AK9: variants seen among roughly 807,000 people sequenced by gnomAD.
The protein encoded by AK9 is adenylate kinase domain containing 1.
A neutral mutation model predicts 239.6 loss-of-function variants in AK9; 191 were observed. That is an observed-to-expected ratio of 0.80 (90% confidence interval 0.71 to 0.90). The LOEUF (loss-of-function observed/expected upper bound fraction) is 0.90, where lower values mean the gene tolerates loss of function less well. AK9 is among the 40% of genes least tolerant of loss of function. The probability of loss-of-function intolerance (pLI) is 0.00; values close to 1 mark genes in which losing one functional copy is unlikely to be tolerated. For missense variants in AK9, 1,995 were observed against 2,214.7 expected (o/e 0.90, Z 1.99); for synonymous variants, 689 against 721.0 (o/e 0.96, Z 0.71).
intron 24 of AK9, among the ~76,000 whole-genome samples, chr6:109,559,241 C>T (rs1458327849): frequency 6.6e-6 from 1 of 151,386 alleles, no homozygotes; most frequent in East Asian, 2.0e-4. Context: ...GATCTCGGCT[C>T]ACTGCAGGCT....
intron 24 of AK9, among the ~76,000 whole-genome samples, chr6:109,557,934 A>G (rs1182017593): frequency 5.3e-5 from 8 of 152,216 alleles, no homozygotes; most frequent in Admixed American, 2.0e-4. Context: ...AGGCATTCTA[A>G]TCACTATCTA....
intron 1 of AK9, among the ~76,000 whole-genome samples, chr6:109,687,933 A>T (rs1048821507): frequency 2.0e-5 from 3 of 152,228 alleles, no homozygotes; most frequent in Admixed American, 1.3e-4. Flanking sequence ...AACCAGGTGG[A>T]CAGGATAATT....
At chr6:109,614,100 T>C (rs956398656) in intron 15 of AK9, 83 bp downstream of exon 15, 3 of 1,349,364 alleles carry the variant, frequency 2.2e-6, no homozygotes, top group African/African-American at 2.9e-5. Flanking sequence ...GGGGTAATTT[T>C]AAGCATAAAT....
chr6:109,572,621 T>C (rs1787567642), intron 21 of AK9, among the ~76,000 whole-genome samples: 2 of 152,226 alleles, frequency 1.3e-5, no homozygotes, highest in African/African-American at 4.8e-5. Context: ...CATGCACATA[T>C]GAGCTGTGAA....
chr6:109,569,316 C>G lies in AK9; in HGVS notation c.2344+4126G>C, dbSNP rs1787052678. ...AAAGACTTAAATGTTAGACCTAAAA[C>G]CATAAAAACCCTAGAAACAAACCTA... On this transcript the variant is annotated intron_variant, in intron 21 of 40. Coordinates refer to ENST00000424296, the MANE Select transcript of AK9 (RefSeq NM_001145128.3). Among the ~76,000 whole-genome samples the G allele has an allele frequency of 2.0e-5, 3 of 152,240 alleles. No individual in the cohort carries two copies. The South Asian group carries it at 6.2e-4, about 32-fold the overall frequency.
chr6:109,558,284 G>T (rs1382194346), intron 24 of AK9, among the ~76,000 whole-genome samples: 1 of 151,920 alleles, frequency 6.6e-6, no homozygotes, highest in Non-Finnish European at 1.5e-5. Context: ...TTCTGCTTTT[G>T]GTGTCATGTC....
In AK9 at chr6:109,550,526, A is replaced by C. The variant is rs972824552; in HGVS notation, c.2752-224T>G. 7.7e-5 allele frequency: 30 copies of C among 391,070 alleles called. 1 individual carries two copies. The highest frequency in any genetic ancestry group is 4.1e-4 in the South Asian group (10 of 24,152). The allele number at this position is 391,070 out of a possible 1,614,324, so 24.2% of individuals were successfully genotyped here. On this transcript the variant is annotated intron_variant, in intron 24 of 40. Transcript: ENST00000424296. ...TTTATTTTCATGAGGAAAATAAAGC[A>C]GCACTGAGAATGAAGGTGCCTCCAG... is the stretch of plus-strand genomic sequence containing the variant.
intron 29 of AK9, among the ~76,000 whole-genome samples, chr6:109,517,583 A>G (rs1482452165): frequency 6.6e-6 from 1 of 152,180 alleles, no homozygotes; most frequent in East Asian, 1.9e-4. Flanking sequence ...AAATTAGTTA[A>G]TACATGCAAA....
intron 5 of AK9, among the ~76,000 whole-genome samples, chr6:109,666,434 C>T (rs561448781): frequency 5.1e-4 from 77 of 152,308 alleles, no homozygotes; most frequent in Admixed American, 4.1e-3. Context: ...TTACCAAGCC[C>T]TTGCCCTTCC....
chr6:109,494,099 C>T lies in AK9; in HGVS notation c.5419-4G>A. ...TAATTAGAGAAGTTGCAATACCCTGCAGGGAGGGAACAATTCAAATTCTGT... is the reference window on the plus strand; with the variant it reads ...TAATTAGAGAAGTTGCAATACCCTGTAGGGAGGGAACAATTCAAATTCTGT... On this transcript the variant is annotated splice_region_variant and splice_polypyrimidine_tract_variant and intron_variant, in intron 39 of 40. Coordinates refer to ENST00000424296, the MANE Select transcript of AK9 (RefSeq NM_001145128.3). 1.2e-6 allele frequency: 2 copies of T among 1,602,514 alleles called. No individual in the cohort carries two copies. The highest frequency in any genetic ancestry group is 1.7e-6 in the Non-Finnish European group (2 of 1,170,640).
chr6:109,592,003 C>T (rs1438059788), intron 17 of AK9, among the ~76,000 whole-genome samples: 1 of 152,052 alleles, frequency 6.6e-6, no homozygotes, highest in Non-Finnish European at 1.5e-5. Context: ...ACAGAACTAA[C>T]ATCAGAATCA....
At chr6:109,549,694 T>C (rs1439554075) in intron 25 of AK9, 2 of 127,252 alleles carry the variant, frequency 1.6e-5, no homozygotes, top group Admixed American at 8.3e-5. Context: ...GAGACGGAGT[T>C]TCGCTCTGTC....
intron 17 of AK9, among the ~76,000 whole-genome samples, chr6:109,590,131 G>A (rs562707128): frequency 2.0e-5 from 3 of 152,244 alleles, no homozygotes; most frequent in East Asian, 3.9e-4. Flanking sequence ...AACAGTTTTA[G>A]TAGAATTGGT....
In AK9 at chr6:109,659,260, C is replaced by T. The variant is rs1383075131; in HGVS notation, c.598G>A (p.Glu200Lys). The T allele has an allele frequency of 2.5e-6, 4 of 1,595,042 alleles. No individual in the cohort carries two copies. In the African/African-American group the frequency reaches 5.4e-5, roughly 22 times the overall value. Reference sequence around the variant, plus strand: ...TCTTCTTGCTCTTCTTCCTCTTCTTCCTCTTCTCCTTTTCCGTCCTTTTGG... The same window carrying T: ...TCTTCTTGCTCTTCTTCCTCTTCTTTCTCTTCTCCTTTTCCGTCCTTTTGG... ...EAQKDGKGEE[E>K]EEEEEQEEEE... is the part of the protein sequence containing the mutation. The change falls in exon 7 of 41, where the codon GAA becomes AAA. Residue 200 changes from glutamate (E) to lysine (K), a missense_variant. By Grantham distance (56) the Glu-to-Lys change is moderately conservative. Around this residue, in one of 5 missense-constraint regions of AK9, gnomAD observed 252 missense variants for 246.4 expected, o/e 1.02. Transcript: ENST00000424296.
intron 21 of AK9, among the ~76,000 whole-genome samples, chr6:109,566,063 C>G (rs973879136): frequency 6.6e-6 from 1 of 151,982 alleles, no homozygotes; most frequent in Non-Finnish European, 1.5e-5. Flanking sequence ...CTGGCTTAAT[C>G]AAAGACTGCA....
chr6:109,557,130 T>A (rs575181906), intron 24 of AK9, among the ~76,000 whole-genome samples: 2 of 152,270 alleles, frequency 1.3e-5, no homozygotes, highest in African/African-American at 4.8e-5. Flanking sequence ...TTGTCAAGTT[T>A]CAGTCTTTGA....
intron 27 of AK9, among the ~76,000 whole-genome samples, chr6:109,534,380 G>A (rs1188237579): frequency 1.3e-5 from 2 of 149,864 alleles, no homozygotes; most frequent in African/African-American, 4.9e-5. Flanking sequence ...TTGTTTAATT[G>A]AGAGAGTCAA....
At chr6:109,604,618 A>G (rs1792591853) in intron 17 of AK9, among the ~76,000 whole-genome samples, 1 of 152,168 alleles carries the variant, frequency 6.6e-6, no homozygotes, top group African/African-American at 2.4e-5. Flanking sequence ...TTAGCATTAC[A>G]ACATATTTTA....
At chr6:109,654,486 C>A (rs905699381) in intron 8 of AK9, among the ~76,000 whole-genome samples, 9 of 152,062 alleles carry the variant, frequency 5.9e-5, no homozygotes, top group Admixed American at 1.3e-4. Flanking sequence ...TGTGCACCAC[C>A]ATGCCCGGCT....
Sources: allele counts gnomAD v4.1 joint callset (sites outside exome capture counted in the v4.1 genomes callset), GRCh38; gene constraint gnomAD v4.1.1; regional missense constraint gnomAD v4.1.1; transcripts MANE v1.5; gene names NCBI Gene and HGNC (gene_info 2026-07-23, HGNC 2026-07-21).